Variants in ZNF148 observed in about 807,000 individuals in gnomAD.
ZNF148 encodes the protein Beta-Enolase Repressor Factor-1.
Under a neutral mutation model 67.7 loss-of-function variants are expected in ZNF148, and 7 were observed. The observed-to-expected ratio is 0.10, with a 90% CI of 0.06 to 0.19. ZNF148 has a LOEUF of 0.19. ZNF148 is among the 10% of genes least tolerant of loss of function. The pLI, the probability that ZNF148 is intolerant of heterozygous loss-of-function variation, is 1.00. For missense variants in ZNF148, 583 were observed against 947.1 expected (o/e 0.62, Z 5.05); for synonymous variants, 333 against 330.7 (o/e 1.01, Z -0.08).
At chr3:125,254,765 C>G (rs1371405032) in intron 7 of ZNF148, among the ~76,000 whole-genome samples, 3 of 152,066 alleles carry the variant, frequency 2.0e-5, no homozygotes. Flanking sequence ...TTGTAAGAAG[C>G]ATGCCATACG....
chr3:125,250,489 A>G (rs777425817), intron 7 of ZNF148, among the ~76,000 whole-genome samples: 60 of 152,178 alleles, frequency 3.9e-4, no homozygotes, highest in Non-Finnish European at 8.1e-4. Context: ...CTCTGATTAC[A>G]TGTACATACT....
rs1940875895 is a variant in ZNF148 at position 125,323,519 on chromosome 3, T to C, written c.-152-75A>G. ...ACTATACAAATATAATATGTGCAAA[T>C]TGGTATGAATACTGAAGTGAAAATT... is the stretch of plus-strand genomic sequence containing the variant. On this transcript the variant is annotated intron_variant, in intron 2 of 8. Coordinates refer to ENST00000360647, the MANE Select transcript of ZNF148 (RefSeq NM_021964.3). 14 of 557,206 alleles carry C rather than the reference T, an allele frequency of 2.5e-5. No individual in the cohort carries two copies. In the South Asian group the frequency reaches 3.5e-4, roughly 14 times the overall value. The allele number at this position is 557,206 out of a possible 1,614,324, so 34.5% of individuals were successfully genotyped here.
rs1960105 is a variant in ZNF148 at position 125,290,526 on chromosome 3, T to C, written c.334-2298A>G. ...TATTTAACTATTTCATGTACATGTA[T>C]ACTGTTTTGATATTTTAAAGTAAGA... On this transcript the variant is annotated intron_variant, in intron 4 of 8. Coordinates refer to ENST00000360647, the MANE Select transcript of ZNF148 (RefSeq NM_021964.3). Among the ~76,000 whole-genome samples, 1,273 of 152,314 alleles carry C rather than the reference T, an allele frequency of 8.4e-3. 16 individuals carry two copies. The highest frequency in any genetic ancestry group is 0.012 in the Non-Finnish European group (814 of 68,022).
chr3:125,248,862 G>C (rs1020136866), intron 7 of ZNF148, among the ~76,000 whole-genome samples: 13 of 152,114 alleles, frequency 8.5e-5, no homozygotes, highest in African/African-American at 1.2e-4. Context: ...GAATAAACAA[G>C]CACTACAGGT....
At chr3:125,364,759 T>C (rs1175903771) in intron 1 of ZNF148, among the ~76,000 whole-genome samples, 1 of 152,212 alleles carries the variant, frequency 6.6e-6, no homozygotes, top group African/African-American at 2.4e-5. Context: ...CATAAATTTA[T>C]ACCTAAGTGC....
At chr3:125,339,715 T>C (rs1201002329) in intron 1 of ZNF148, among the ~76,000 whole-genome samples, 1 of 152,210 alleles carries the variant, frequency 6.6e-6, no homozygotes, top group African/African-American at 2.4e-5. Context: ...CTCGAGGAGA[T>C]GGATGCCCCA....
chr3:125,369,629 T>C (rs1942814947), intron 1 of ZNF148, among the ~76,000 whole-genome samples: 1 of 152,116 alleles, frequency 6.6e-6, no homozygotes, highest in Non-Finnish European at 1.5e-5. Context: ...TCTGGAGATA[T>C]AATTTTGATA....
At chr3:125,327,550 G>A (rs1013186871) in intron 2 of ZNF148, among the ~76,000 whole-genome samples, 2 of 152,162 alleles carry the variant, frequency 1.3e-5, no homozygotes, top group African/African-American at 2.4e-5. Flanking sequence ...GCCGCACAAC[G>A]TGGCCCATGC....
intron 1 of ZNF148, chr3:125,344,289 G>T: frequency 2.3e-6 from 1 of 443,530 alleles, no homozygotes; most frequent in East Asian, 4.3e-5. Context: ...AGAATGAAGT[G>T]AAGCCCCCAT....
intron 1 of ZNF148, among the ~76,000 whole-genome samples, chr3:125,374,562 C>T (rs1325476342): frequency 6.6e-6 from 1 of 152,094 alleles, no homozygotes. Flanking sequence ...TCCACCTCTC[C>T]GGCATCTTTC....
chr3:125,326,635 T>C (rs16836746), intron 2 of ZNF148, among the ~76,000 whole-genome samples: 28,528 of 148,752 alleles, frequency 0.19, 2,874 homozygotes, highest in East Asian at 0.31. Flanking sequence ...GATCATATCA[T>C]ATATAAACCA....
chr3:125,372,058 C>T (rs890498568), intron 1 of ZNF148, among the ~76,000 whole-genome samples: 56 of 92,700 alleles, frequency 6.0e-4, no homozygotes, highest in Non-Finnish European at 9.3e-4. Flanking sequence ...AGCGAGACTC[C>T]GTCTCAAAAA....
chr3:125,248,871 G>T (rs762503937), intron 7 of ZNF148, among the ~76,000 whole-genome samples: 1 of 152,172 alleles, frequency 6.6e-6, no homozygotes, highest in Non-Finnish European at 1.5e-5. Context: ...AGCACTACAG[G>T]TTCCAGGAAC....
chr3:125,328,140 A>C (rs1579815964), intron 2 of ZNF148, among the ~76,000 whole-genome samples: 1 of 152,162 alleles, frequency 6.6e-6, no homozygotes, highest in Middle Eastern at 3.4e-3. Flanking sequence ...AATTTAAGAA[A>C]AAAAAGAAAA....
At chr3:125,337,399 G>C (rs551450115) in intron 1 of ZNF148, among the ~76,000 whole-genome samples, 69 of 152,278 alleles carry the variant, frequency 4.5e-4, no homozygotes, top group South Asian at 8.3e-4. Context: ...ATCACAGTGA[G>C]GATGCTGCAC....
At chr3:125,370,734 CTAA>C (rs1327199264) in intron 1 of ZNF148, among the ~76,000 whole-genome samples, 1 of 152,204 alleles carries the variant, frequency 6.6e-6, no homozygotes, top group Non-Finnish European at 1.5e-5. Context: ...TTTTATGACT[CTAA>C]CCTAACAGAG....
chr3:125,249,599 A>C (rs1357068593), intron 7 of ZNF148, among the ~76,000 whole-genome samples: 1 of 152,190 alleles, frequency 6.6e-6, no homozygotes, highest in African/African-American at 2.4e-5. Context: ...CATTATGGAA[A>C]ACAGTATGGA....
chr3:125,319,557 T>C (rs990308617), intron 3 of ZNF148, among the ~76,000 whole-genome samples: 3 of 152,230 alleles, frequency 2.0e-5, no homozygotes, highest in African/African-American at 7.2e-5. Context: ...GGGAGTTTTA[T>C]ACAATTAATG....
At chr3:125,237,302 C>T (rs1356069364) in intron 7 of ZNF148, among the ~76,000 whole-genome samples, 1 of 152,122 alleles carries the variant, frequency 6.6e-6, no homozygotes, top group Non-Finnish European at 1.5e-5. Context: ...GCTGGTAAAG[C>T]TGGGTGCAGT....
Sources: gnomAD v4.1 joint callset for allele counts (sites outside exome capture counted in the v4.1 genomes callset) on GRCh38, gnomAD v4.1.1 for gene constraint, MANE v1.5 for transcripts, NCBI Gene and HGNC (gene_info 2026-07-23, HGNC 2026-07-21) for gene names.